The following WDR70 variants were observed in gnomAD, a reference collection of about 807,000 sequenced individuals.
WDR70 encodes WD repeat domain 70, also known as WD repeat-containing protein 70.
Under a neutral mutation model 88.6 loss-of-function variants are expected in WDR70, and 53 were observed. The observed-to-expected ratio is 0.60, with a 90% CI of 0.48 to 0.75. WDR70 has a LOEUF of 0.75. Among genes scored for constraint, WDR70 ranks in the 30% least tolerant of loss-of-function variants. WDR70 has a pLI of 0.00. For missense variants in WDR70, 610 were observed against 823.2 expected (o/e 0.74, Z 3.17); for synonymous variants, 280 against 270.0 (o/e 1.04, Z -0.36).
chr5:37,440,688 G>A (rs978960661), intron 6 of WDR70, among the ~76,000 whole-genome samples: 1 of 152,042 alleles, frequency 6.6e-6, no homozygotes, highest in African/African-American at 2.4e-5. Flanking sequence ...CCTTCATATC[G>A]TTTTGGTAAA....
At chr5:37,638,127 A>G (rs773145183) in intron 10 of WDR70, among the ~76,000 whole-genome samples, 1 of 152,134 alleles carries the variant, frequency 6.6e-6, no homozygotes, top group Non-Finnish European at 1.5e-5. Flanking sequence ...TCTACTTTCC[A>G]TTCTTTGCCT....
chr5:37,385,518 CAAAAAAAAA>C (rs1160087859), intron 3 of WDR70, among the ~76,000 whole-genome samples: 1 of 67,862 alleles, frequency 1.5e-5, no homozygotes, highest in African/African-American at 6.1e-5. Context: ...GAGCCTGTCT[CAAAAAAAAA>C]AAAAAAAAAA....
chr5:37,625,626 G>A (rs1458205117), intron 10 of WDR70, among the ~76,000 whole-genome samples: 2 of 152,074 alleles, frequency 1.3e-5, no homozygotes, highest in African/African-American at 4.8e-5. Context: ...CCGGGTTCAA[G>A]CAATTCTCCT....
chr5:37,543,586 A>T (rs1741898307), intron 9 of WDR70, among the ~76,000 whole-genome samples: 1 of 152,132 alleles, frequency 6.6e-6, no homozygotes, highest in Non-Finnish European at 1.5e-5. Flanking sequence ...GGACATATTT[A>T]TTGTACTATT....
Position 37,487,619 on chromosome 5 carries a change from A to ATTTTTTTTT in WDR70, c.840+7633_840+7634insTTTTTTTTT, listed in dbSNP as rs1739918883. ...TATATAAATATATATATATATATAT[A>ATTTTTTTTT]TATATGTATTTTTTTTTTTTTTTTT... On this transcript the variant is annotated intron_variant, in intron 8 of 17. Coordinates refer to ENST00000265107, the MANE Select transcript of WDR70 (RefSeq NM_018034.4). 1.3e-4 allele frequency among the ~76,000 whole-genome samples: 12 copies of ATTTTTTTTT among 93,512 alleles called. 1 individual carries two copies. Among genetic ancestry groups the ATTTTTTTTT allele is most frequent in the African/African-American group, 4.3e-4 (10 of 23,186 alleles). The allele number at this position is 93,512 out of a possible 152,430, so 61.3% of individuals were successfully genotyped here. A position where few individuals can be genotyped will look rare whatever the true frequency, so the allele number is the denominator to read the frequency against.
At chr5:37,676,245 G>A (rs1746202269) in intron 10 of WDR70, among the ~76,000 whole-genome samples, 1 of 151,182 alleles carries the variant, frequency 6.6e-6, no homozygotes, top group East Asian at 1.9e-4. Flanking sequence ...CTGCCTAATT[G>A]CCCTGGCCAG....
intron 9 of WDR70, among the ~76,000 whole-genome samples, chr5:37,565,981 C>A (rs1658243145): frequency 6.6e-6 from 1 of 152,036 alleles, no homozygotes; most frequent in South Asian, 2.1e-4. Flanking sequence ...AATTCACATA[C>A]CATAAAATTT....
intron 10 of WDR70, among the ~76,000 whole-genome samples, chr5:37,682,546 C>G (rs1746469942): frequency 6.6e-6 from 1 of 152,044 alleles, no homozygotes; most frequent in Non-Finnish European, 1.5e-5. Context: ...TTCTAACTAA[C>G]TTTTTAATGT....
At chr5:37,664,656 T>G (rs1402213468) in intron 10 of WDR70, among the ~76,000 whole-genome samples, 1 of 152,236 alleles carries the variant, frequency 6.6e-6, no homozygotes, top group East Asian at 1.9e-4. Context: ...TTTGTACAAT[T>G]TATTGTAGAT....
intron 10 of WDR70, among the ~76,000 whole-genome samples, chr5:37,637,335 TAAATTAAA>T (rs1213857188): frequency 1.7e-5 from 2 of 119,976 alleles, no homozygotes; most frequent in African/African-American, 7.5e-5. Context: ...AAAAAATAAA[TAAATTAAA>T]TAAATAAATA....
intron 10 of WDR70, among the ~76,000 whole-genome samples, chr5:37,617,594 C>T (rs1165900249): frequency 6.6e-6 from 1 of 152,166 alleles, no homozygotes; most frequent in Non-Finnish European, 1.5e-5. Context: ...TGGCTAAGGA[C>T]AGAAAAGTTT....
At chr5:37,589,247 CAT>C (rs1491019239) in intron 9 of WDR70, among the ~76,000 whole-genome samples, 25 of 111,904 alleles carry the variant, frequency 2.2e-4, no homozygotes, top group African/African-American at 7.7e-4. Flanking sequence ...TACCTACACA[CAT>C]ACACACACAC....
intron 10 of WDR70, among the ~76,000 whole-genome samples, chr5:37,662,149 T>A (rs1745716837): frequency 6.6e-6 from 1 of 152,186 alleles, no homozygotes; most frequent in Non-Finnish European, 1.5e-5. Context: ...TCGGTTATAA[T>A]TTTTGCAAAG....
At chr5:37,459,210 G>A (rs1581300244) in intron 7 of WDR70, among the ~76,000 whole-genome samples, 1 of 70,472 alleles carries the variant, frequency 1.4e-5, no homozygotes, top group African/African-American at 4.2e-5. Context: ...TATAATTTCT[G>A]TTCTTTTACA....
At chr5:37,601,348 A>G (rs1176621748) in intron 9 of WDR70, among the ~76,000 whole-genome samples, 4 of 152,210 alleles carry the variant, frequency 2.6e-5, no homozygotes, top group Non-Finnish European at 5.9e-5. Flanking sequence ...ATATTGAACC[A>G]TCCTTGCATA....
chr5:37,507,562 A>C (rs578161139), intron 8 of WDR70, among the ~76,000 whole-genome samples: 1 of 152,282 alleles, frequency 6.6e-6, no homozygotes, highest in Non-Finnish European at 1.5e-5. Flanking sequence ...CTCTACTTCC[A>C]CAAGATCACC....
At chr5:37,531,587 C>CTTTTTCTTTTTTTTTTTTTTTTTTTTTT (rs1355183991) in intron 9 of WDR70, among the ~76,000 whole-genome samples, 1 of 77,736 alleles carries the variant, frequency 1.3e-5, no homozygotes. Context: ...TAAAGTTTTT[C>CTTTTTCTTTTTTTTTTTTTTTTTTTTTT]TTTTTTTTTT....
chr5:37,647,415 TTTG>T (rs2112553191), intron 10 of WDR70, among the ~76,000 whole-genome samples: 1 of 152,296 alleles, frequency 6.6e-6, no homozygotes. Flanking sequence ...CCTGGGTGGT[TTTG>T]ATGCTTGGGG....
intron 9 of WDR70, among the ~76,000 whole-genome samples, chr5:37,562,838 T>C (rs2112380209): frequency 6.6e-6 from 1 of 151,936 alleles, no homozygotes; most frequent in Admixed American, 6.5e-5. Flanking sequence ...AAGTCTCCCA[T>C]GTCTACCTCT....
Sources: allele counts gnomAD v4.1 joint callset (sites outside exome capture counted in the v4.1 genomes callset), GRCh38; gene constraint gnomAD v4.1.1; transcripts MANE v1.5; gene names NCBI Gene and HGNC (gene_info 2026-07-23, HGNC 2026-07-21).